WDR48: variants seen among roughly 807,000 people sequenced by gnomAD.
WDR48 encodes WD repeat-containing protein 48.
In WDR48, 22 loss-of-function variants were observed where a neutral mutation model predicts 94.0. The ratio of observed to expected loss-of-function variants is 0.23; its 90% confidence interval spans 0.17 to 0.33. The LOEUF is 0.33. Ranked by LOEUF, WDR48 falls within the 10% of genes least tolerant of loss-of-function variation. The probability of loss-of-function intolerance (pLI) is 1.00; values close to 1 mark genes in which losing one functional copy is unlikely to be tolerated. For synonymous variants in WDR48, 278 were observed against 280.5 expected, an observed-to-expected ratio of 0.99 and a Z score of 0.09; for missense variants, 541 against 813.8, an observed-to-expected ratio of 0.66 and a Z score of 4.08.
chr3:39,083,140 G>C (rs2034623738), intron 11 of WDR48, among the ~76,000 whole-genome samples: 1 of 152,194 alleles, frequency 6.6e-6, no homozygotes, highest in African/African-American at 2.4e-5. Context: ...GGTGGCCTCT[G>C]GGTAGAGTCT....
At chr3:39,052,365 G>T (rs2032479981) in intron 1 of WDR48, 1 of 390,682 alleles carries the variant, frequency 2.6e-6, no homozygotes, top group East Asian at 5.8e-5. Flanking sequence ...GTCGGGATAG[G>T]CTCGTTCCCC....
intron 12 of WDR48, 54 bp from the exon 13 acceptor site, chr3:39,084,591 C>T: frequency 6.7e-7 from 1 of 1,498,450 alleles, no homozygotes; most frequent in Non-Finnish European, 9.2e-7. Flanking sequence ...GGTTTAGAGA[C>T]TTGTTTGGAG....
intron 7 of WDR48, among the ~76,000 whole-genome samples, chr3:39,071,699 G>A (rs2033943874): frequency 6.6e-6 from 1 of 152,156 alleles, no homozygotes; most frequent in African/African-American, 2.4e-5. Flanking sequence ...AAACTTGATA[G>A]GTATCACTCT....
In WDR48 at chr3:39,063,636, G is replaced by A. The variant is rs535616667; in HGVS notation, c.189+446G>A. On this transcript the variant is annotated intron_variant, in intron 2 of 18. Transcript: ENST00000302313. ...ATTAGGATCCTCACAAACCCCACAC[G>A]GCCTAACTAGGTAATACAAGGTTAG... Among the ~76,000 whole-genome samples, 12 of 152,068 alleles carry A rather than the reference G, an allele frequency of 7.9e-5. No homozygotes were observed. In the South Asian group the frequency reaches 2.5e-3, roughly 32 times the overall value.
At chr3:39,091,557 C>T in intron 16 of WDR48, 68 bp from the exon 17 acceptor site, 2 of 1,176,436 alleles carry the variant, frequency 1.7e-6, no homozygotes, top group Non-Finnish European at 1.2e-6. Context: ...TCATGTTTTC[C>T]TATTAACATT....
At chr3:39,087,071 G>T (rs1252717837) in intron 14 of WDR48, among the ~76,000 whole-genome samples, 1 of 152,172 alleles carries the variant, frequency 6.6e-6, no homozygotes, top group African/African-American at 2.4e-5. Context: ...TTCTGGTATG[G>T]CAGAGAGTTA....
chr3:39,079,449 CCCTTGA>C (rs1363463413), intron 10 of WDR48, among the ~76,000 whole-genome samples: 1 of 152,146 alleles, frequency 6.6e-6, no homozygotes, highest in African/African-American at 2.4e-5. Flanking sequence ...CACTAGTACC[CCCTTGA>C]CATGAAGAGC....
In WDR48 at chr3:39,079,819, T is replaced by C; in HGVS notation, c.1173+11T>C. 2 of 1,500,238 alleles carry C rather than the reference T, an allele frequency of 1.3e-6. No individual in the cohort carries two copies. The highest frequency in any genetic ancestry group is 1.8e-6 in the Non-Finnish European group (2 of 1,123,326). The allele number at this position is 1,500,238 out of a possible 1,614,324, so 92.9% of individuals were successfully genotyped here. ...TGGGATGTATTGAAGGTGAGTATTT[T>C]TTTTGGGCTAAATATAGGTTGTTAG... On this transcript the variant is annotated intron_variant, in intron 11 of 18. Coordinates refer to ENST00000302313, the MANE Select transcript of WDR48 (RefSeq NM_020839.4).
chr3:39,052,878 G>A (rs1559590426), intron 1 of WDR48, among the ~76,000 whole-genome samples: 1 of 152,156 alleles, frequency 6.6e-6, no homozygotes, highest in Non-Finnish European at 1.5e-5. Context: ...TCGGGGGCTG[G>A]GGGCGCTAGG....
At position 39,069,876 on chromosome 3, in the gene WDR48, T is replaced by C. The variant is rs183195363; in HGVS notation, c.672+132T>C. On this transcript the variant is annotated intron_variant, in intron 7 of 18. Coordinates refer to ENST00000302313, the MANE Select transcript of WDR48 (RefSeq NM_020839.4). ...ATTGTCTAATTAAAAAATTTTAAAATACTAAATTGCACATATAAGCTACAT... is the reference window on the plus strand; with the variant it reads ...ATTGTCTAATTAAAAAATTTTAAAACACTAAATTGCACATATAAGCTACAT... 7 of 640,112 alleles carry C rather than the reference T, an allele frequency of 1.1e-5. No homozygotes were observed. In the Admixed American group the frequency reaches 2.3e-4, roughly 21 times the overall value. The allele number at this position is 640,112 out of a possible 1,614,324, so 39.7% of individuals were successfully genotyped here.
At chr3:39,076,711 C>T (rs112981337) in intron 8 of WDR48, among the ~76,000 whole-genome samples, 1,775 of 152,222 alleles carry the variant, frequency 0.012, 33 homozygotes, top group African/African-American at 0.04. Context: ...CGTCCTTAGG[C>T]GAGGGTTATT....
chr3:39,085,507 T>C lies in WDR48; in HGVS notation c.1379-8T>C, dbSNP rs753906776. On this transcript the variant is annotated splice_region_variant and splice_polypyrimidine_tract_variant and intron_variant, in intron 13 of 18. Transcript: ENST00000302313. ...CATTTTATCTCTTTTTAATTAACTTTTTTGCAGTGAATTTAGGAGGACTTT... is the reference window on the plus strand; with the variant it reads ...CATTTTATCTCTTTTTAATTAACTTCTTTGCAGTGAATTTAGGAGGACTTT... The C allele has an allele frequency of 1.2e-6, 2 of 1,605,526 alleles. No homozygotes were observed. Among genetic ancestry groups the C allele is most frequent in the South Asian group, 1.1e-5 (1 of 88,836 alleles).
chr3:39,070,514 A>T (rs924297838), intron 7 of WDR48, among the ~76,000 whole-genome samples: 3 of 152,152 alleles, frequency 2.0e-5, no homozygotes, highest in Non-Finnish European at 2.9e-5. Context: ...TTAGACATGA[A>T]ATTGCTAAAA....
chr3:39,063,033 G>A lies in WDR48; in HGVS notation c.49-17G>A, dbSNP rs1049114906. On this transcript the variant is annotated splice_polypyrimidine_tract_variant and intron_variant, in intron 1 of 18. Coordinates refer to ENST00000302313, the MANE Select transcript of WDR48 (RefSeq NM_020839.4). ...GGCTTGTACTTTATAAAAAGCATAT[G>A]TTGACACATTTGTCAGGTTTCCTAT... is the stretch of plus-strand genomic sequence containing the variant. 13 of 1,613,528 alleles carry A rather than the reference G, an allele frequency of 8.1e-6. No individual in the cohort carries two copies. The highest frequency in any genetic ancestry group is 6.7e-5 in the African/African-American group (5 of 74,880).
intron 5 of WDR48, among the ~76,000 whole-genome samples, chr3:39,067,738 A>G (rs2033694193): frequency 6.6e-6 from 1 of 152,222 alleles, no homozygotes; most frequent in Non-Finnish European, 1.5e-5. Context: ...TTTTACTAAT[A>G]TAGCCTAGTA....
chr3:39,076,561 C>T (rs1303951173), intron 8 of WDR48, among the ~76,000 whole-genome samples: 6 of 152,072 alleles, frequency 3.9e-5, no homozygotes, highest in Admixed American at 1.3e-4. Flanking sequence ...TGCAAACCTG[C>T]GGTTTCCTGA....
chr3:39,060,921 C>T (rs186855921), intron 1 of WDR48, among the ~76,000 whole-genome samples: 2 of 152,234 alleles, frequency 1.3e-5, no homozygotes, highest in Admixed American at 1.3e-4. Flanking sequence ...AAGCCAAGAT[C>T]GGGCCACTGC....
At chr3:39,081,946 G>A (rs777969728) in intron 11 of WDR48, among the ~76,000 whole-genome samples, 1 of 152,198 alleles carries the variant, frequency 6.6e-6, no homozygotes, top group Non-Finnish European at 1.5e-5. Context: ...TGTAATAGAC[G>A]TGGCTAAACA....
chr3:39,064,736 T>C (rs1184265059), intron 2 of WDR48, among the ~76,000 whole-genome samples: 3 of 152,192 alleles, frequency 2.0e-5, no homozygotes, highest in African/African-American at 4.8e-5. Flanking sequence ...AAGTCTGATA[T>C]TCAGTTCAGA....
Sources: gnomAD v4.1 joint callset for allele counts (sites outside exome capture counted in the v4.1 genomes callset) on GRCh38, gnomAD v4.1.1 for gene constraint, MANE v1.5 for transcripts, NCBI Gene and HGNC (gene_info 2026-07-23, HGNC 2026-07-21) for gene names.